Variants in TMEM131 observed in about 807,000 individuals in gnomAD.
TMEM131 encodes the protein transmembrane protein 131, also known as 2610524E03Rik.
A neutral mutation model predicts 211.6 loss-of-function variants in TMEM131; 66 were observed. The observed-to-expected ratio is 0.31, with a 90% CI of 0.26 to 0.38. TMEM131 has a LOEUF of 0.38. Among genes scored for constraint, TMEM131 ranks in the 10% least tolerant of loss-of-function variants. The pLI, the probability that TMEM131 is intolerant of heterozygous loss-of-function variation, is 1.00. For missense variants in TMEM131, 2,036 were observed against 2,299.3 expected, an observed-to-expected ratio of 0.89 and a Z score of 2.34; for synonymous variants, 844 against 841.3, an observed-to-expected ratio of 1.00 and a Z score of -0.06.
Position 97,792,442 on chromosome 2 carries a change from G to T in TMEM131, c.4088C>A (p.Ser1363Tyr). 6.2e-7 allele frequency: 1 copy of T among 1,613,004 alleles called. No individual in the cohort carries two copies. Among genetic ancestry groups the T allele is most frequent in the Non-Finnish European group, 8.5e-7 (1 of 1,179,430 alleles). Reference sequence around the variant, plus strand: ...CTCTGTAAACACTTCTAGGGCTGGGGAGTCATGGTGGTCGAAGTCTTTGTC... The same window carrying T: ...CTCTGTAAACACTTCTAGGGCTGGGTAGTCATGGTGGTCGAAGTCTTTGTC... ...AMDKDFDHHD[S>Y]PALEVFTEQP... is the part of the protein sequence containing the mutation. Residue 1363 changes from serine to tyrosine, a missense_variant, in exon 31 of 41, where the codon TCC (serine) becomes TAC (tyrosine). By Grantham distance (144) the Ser-to-Tyr change is moderately radical. Transcript: ENST00000186436.
chr2:97,954,272 G>C (rs930395548), intron 1 of TMEM131, among the ~76,000 whole-genome samples: 10 of 152,152 alleles, frequency 6.6e-5, no homozygotes, highest in Non-Finnish European at 1.5e-5. Flanking sequence ...GCTCTAGCAA[G>C]ACTGACAAAA....
At chr2:97,816,105 C>CT (rs1681816213) in intron 12 of TMEM131, among the ~76,000 whole-genome samples, 1 of 152,224 alleles carries the variant, frequency 6.6e-6, no homozygotes, top group Non-Finnish European at 1.5e-5. Flanking sequence ...CTTTGCCAGG[C>CT]TGAGGCAGCC....
chr2:97,808,722 A>G (rs1412976919), intron 19 of TMEM131, among the ~76,000 whole-genome samples: 3 of 152,194 alleles, frequency 2.0e-5, no homozygotes, highest in African/African-American at 7.2e-5. Flanking sequence ...GGGGAGGCCA[A>G]CTTATAAGGA....
chr2:97,759,925 G>A (rs376130866), intron 38 of TMEM131, 176 bp from the exon 39 acceptor site: 82 of 587,364 alleles, frequency 1.4e-4, no homozygotes, highest in South Asian at 1.2e-3. Context: ...GGGTTGAGTC[G>A]GAGGGAGCCC....
chr2:97,910,329 A>G (rs997180939), intron 2 of TMEM131, among the ~76,000 whole-genome samples: 1 of 152,176 alleles, frequency 6.6e-6, no homozygotes, highest in East Asian at 1.9e-4. Flanking sequence ...TGTGGTTCCC[A>G]AAAAAATTAA....
intron 1 of TMEM131, among the ~76,000 whole-genome samples, chr2:97,948,806 C>T (rs570446033): frequency 3.3e-5 from 5 of 152,106 alleles, no homozygotes; most frequent in East Asian, 3.9e-4. Context: ...TACAGGCACC[C>T]GCCACCACGC....
At chr2:97,866,777 CT>C (rs1307437471) in intron 4 of TMEM131, among the ~76,000 whole-genome samples, 1 of 152,126 alleles carries the variant, frequency 6.6e-6, no homozygotes, top group Non-Finnish European at 1.5e-5. Flanking sequence ...TATCCCAAGA[CT>C]TTTTTGATTT....
chr2:97,972,812 C>T (rs539203506), intron 1 of TMEM131, among the ~76,000 whole-genome samples: 1 of 152,192 alleles, frequency 6.6e-6, no homozygotes, highest in Non-Finnish European at 1.5e-5. Context: ...GGACTCGGCC[C>T]AATGCTGCTG....
At chr2:97,985,875 A>G (rs1244928657) in intron 1 of TMEM131, among the ~76,000 whole-genome samples, 1 of 152,166 alleles carries the variant, frequency 6.6e-6, no homozygotes, top group African/African-American at 2.4e-5. Flanking sequence ...TAAAGATGGA[A>G]GCACGGACAT....
In TMEM131 at chr2:97,908,332, T is replaced by C. The variant is rs1395177790; in HGVS notation, c.290+326A>G. On this transcript the variant is annotated intron_variant, in intron 3 of 40. Transcript: ENST00000186436. ...GACCCCTGGTAACTGGGGGCAGCAG[T>C]GGTCAGTACATCAAAAGCAGGGATA... 3.3e-5 allele frequency among the ~76,000 whole-genome samples: 5 copies of C among 152,184 alleles called. No homozygotes were observed. In the South Asian group the frequency reaches 1.0e-3, roughly 32 times the overall value.
At chr2:97,825,365 C>T (rs968416237) in intron 11 of TMEM131, among the ~76,000 whole-genome samples, 8 of 152,184 alleles carry the variant, frequency 5.3e-5, no homozygotes, top group Non-Finnish European at 1.2e-4. Flanking sequence ...ATATCTAGGC[C>T]TAATCTTAGC....
intron 1 of TMEM131, among the ~76,000 whole-genome samples, chr2:97,979,526 T>G (rs1679693377): frequency 6.6e-6 from 1 of 152,238 alleles, no homozygotes. Context: ...CACTTCACCT[T>G]GCACTTTATG....
intron 3 of TMEM131, among the ~76,000 whole-genome samples, chr2:97,903,285 C>G (rs1161415171): frequency 6.6e-6 from 1 of 151,996 alleles, no homozygotes; most frequent in African/African-American, 2.4e-5. Context: ...TAAGCACGTG[C>G]GATTTTTTTA....
At chr2:97,905,783 A>C (rs1179232602) in intron 3 of TMEM131, among the ~76,000 whole-genome samples, 2 of 152,082 alleles carry the variant, frequency 1.3e-5, no homozygotes, top group Non-Finnish European at 1.5e-5. Context: ...TGAACACATA[A>C]AATTGATGTA....
At chr2:97,859,974 C>T (rs1387760872) in intron 4 of TMEM131, among the ~76,000 whole-genome samples, 1 of 152,210 alleles carries the variant, frequency 6.6e-6, no homozygotes, top group Non-Finnish European at 1.5e-5. Context: ...CTAGTCTGCG[C>T]TTTAACCGCC....
intron 1 of TMEM131, among the ~76,000 whole-genome samples, chr2:97,952,089 G>A (rs1396438144): frequency 9.2e-5 from 14 of 151,772 alleles, no homozygotes; most frequent in African/African-American, 3.4e-4. Flanking sequence ...CCCGGGAGGC[G>A]GAGGGTGCAG....
intron 31 of TMEM131, among the ~76,000 whole-genome samples, chr2:97,779,660 C>T (rs940354197): frequency 1.5e-4 from 23 of 152,258 alleles, no homozygotes; most frequent in African/African-American, 4.8e-4. Context: ...CAGAACTCTG[C>T]GGGTAGGCAC....
intron 25 of TMEM131, among the ~76,000 whole-genome samples, chr2:97,798,987 T>A (rs974776654): frequency 6.6e-6 from 1 of 152,216 alleles, no homozygotes; most frequent in Non-Finnish European, 1.5e-5. Context: ...GCCTCCCGTA[T>A]ACCATTCAGG....
At chr2:97,808,955 G>A (rs1681431278) in intron 19 of TMEM131, among the ~76,000 whole-genome samples, 1 of 152,024 alleles carries the variant, frequency 6.6e-6, no homozygotes, top group Non-Finnish European at 1.5e-5. Context: ...AGGTATGAAG[G>A]GACTTTACTG....
Sources: allele counts gnomAD v4.1 joint callset (sites outside exome capture counted in the v4.1 genomes callset), GRCh38; gene constraint gnomAD v4.1.1; transcripts MANE v1.5; gene names NCBI Gene and HGNC (gene_info 2026-07-23, HGNC 2026-07-21).